SERINC4: variants seen among roughly 807,000 people sequenced by gnomAD.
The protein encoded by SERINC4 is serine incorporator 4.
SERINC4 carries 52 observed loss-of-function variants against 52.0 expected under a neutral mutation model. The ratio of observed to expected loss-of-function variants is 1.00; its 90% CI spans 0.80 to 1.26. The LOEUF is 1.26. SERINC4 is among the 50% of genes most tolerant of loss of function. The pLI is 0.00. For missense variants in SERINC4, 723 were observed against 632.8 expected, an observed-to-expected ratio of 1.14 and a Z score of -1.53; for synonymous variants, 264 against 247.7, an observed-to-expected ratio of 1.07 and a Z score of -0.62.
Position 43,794,750 on chromosome 15 carries a change from T to C in SERINC4, c.*250A>G. 1 of 463,100 alleles carries C rather than the reference T, an allele frequency of 2.2e-6. No individual in the cohort carries two copies. The highest frequency in any genetic ancestry group is 3.5e-5 in the East Asian group (1 of 28,698). The allele number at this position is 463,100 out of a possible 1,614,324, so 28.7% of individuals were successfully genotyped here. A position where few individuals can be genotyped will look rare whatever the true frequency, so the allele number is the denominator to read the frequency against. ...TGTCTGCTGGGATCAGCGGTGGTTC[T>C]TTGAGCTGCTGATTTGGGTGTTAGG... On this transcript the variant is annotated 3_prime_UTR_variant, in exon 12 of 12. Coordinates refer to ENST00000319327, the MANE Select transcript of SERINC4 (RefSeq NM_001258031.2).
intron 6 of SERINC4, 59 bp downstream of exon 6, chr15:43,797,086 G>A: frequency 6.7e-7 from 1 of 1,489,730 alleles, no homozygotes; most frequent in Non-Finnish European, 9.2e-7. Context: ...GGGAGGTAAT[G>A]AAACTTGCTA....
intron 2 of SERINC4, 71 bp downstream of exon 2, chr15:43,799,239 G>A (rs2087271677): frequency 6.6e-7 from 1 of 1,516,040 alleles, no homozygotes; most frequent in Non-Finnish European, 8.9e-7. Context: ...GCCCCCAACC[G>A]AAACCTTTTC....
At chr15:43,799,824 T>C in intron 1 of SERINC4, 61 bp downstream of exon 1, 1 of 1,288,162 alleles carries the variant, frequency 7.8e-7, no homozygotes, top group Non-Finnish European at 1.1e-6. Flanking sequence ...CTGTCGTTTT[T>C]ATTGGCTTCT....
Position 43,795,018 on chromosome 15 carries a change from G to T in SERINC4, c.1539C>A (p.Asn513Lys), listed in dbSNP as rs143486742. 216 of 1,611,162 alleles carry T rather than the reference G, an allele frequency of 1.3e-4. 1 individual carries two copies. The East Asian group carries it at 4.6e-3, about 34-fold the overall frequency. The change falls in exon 12 of 12, where the codon AAC becomes AAA. Residue 513 changes from asparagine (N) to lysine (K), a missense_variant. Asn to Lys is a moderately conservative substitution (Grantham distance 94). Transcript: ENST00000319327. Reference sequence around the variant, plus strand: ...AAAGGACTTAGACTGGAGGATATTTGTTATCTGGGGATATGATGCGGTGGC... The same window carrying T: ...AAAGGACTTAGACTGGAGGATATTTTTTATCTGGGGATATGATGCGGTGGC... Reference protein sequence around the residue: ...RRRHRIISPDNKYPPV With the variant: ...RRRHRIISPDKKYPPV
At position 43,794,891 on chromosome 15, in the gene SERINC4, C is replaced by T. The variant is rs938601226; in HGVS notation, c.*109G>A. On this transcript the variant is annotated 3_prime_UTR_variant, in exon 12 of 12. Transcript: ENST00000319327. ...TTCATAGTATTGACTTCAGCCCAAA[C>T]GGAGATAACTCCCTGTGTGTCCTTG... The T allele has an allele frequency of 3.5e-5, 29 of 829,690 alleles. No homozygotes were observed. Among genetic ancestry groups the T allele is most frequent in the East Asian group, 2.2e-4 (9 of 41,132 alleles). The allele number at this position is 829,690 out of a possible 1,614,324, so 51.4% of individuals were successfully genotyped here.
chr15:43,798,132 CTCTGCCTCCCGGGTTCAAGTGATTCT>C, intron 4 of SERINC4, 119 bp from the exon 5 acceptor site: 2 of 705,976 alleles, frequency 2.8e-6, no homozygotes, highest in South Asian at 3.5e-5. Flanking sequence ...TCACTGCAAC[CTCTGCCTCCCGGGTTCAAGTGATTCT>C]TCTGCCTCCA....
intron 9 of SERINC4, 198 bp from the exon 10 acceptor site, chr15:43,795,934 G>C (rs938551117): frequency 3.1e-6 from 2 of 648,334 alleles, no homozygotes; most frequent in Admixed American, 5.9e-5. Flanking sequence ...TTCTCCATTT[G>C]TAAAATGGAG....
intron 3 of SERINC4, 192 bp downstream of exon 3, chr15:43,798,767 G>A (rs2087260487): frequency 4.7e-6 from 3 of 644,018 alleles, no homozygotes; most frequent in Non-Finnish European, 8.3e-6. Context: ...TAACCCCACT[G>A]TTACCTCCAT....
Position 43,799,014 on chromosome 15 carries a change from C to G in SERINC4, c.403G>C (p.Val135Leu). ...GGGGAGTGGAGGTGGACCAGCAACA[C>G]AGCCTGCAGCAGGTGGAAGGTGGCG... ...GTATFHLLQA[V>L]LLVHLHSPTS... Residue 135 changes from valine to leucine, a missense_variant, in exon 3 of 12, where the codon GTG becomes CTG. By Grantham distance (32) the Val-to-Leu change is conservative. Coordinates refer to ENST00000319327, the MANE Select transcript of SERINC4 (RefSeq NM_001258031.2). 6.4e-7 allele frequency: 1 copy of G among 1,550,514 alleles called. No homozygotes were observed. The highest frequency in any genetic ancestry group is 8.7e-7 in the Non-Finnish European group (1 of 1,146,976).
intron 4 of SERINC4, 167 bp from the exon 5 acceptor site, chr15:43,798,180 G>A: frequency 3.2e-6 from 2 of 624,566 alleles, no homozygotes; most frequent in Non-Finnish European, 5.7e-6. Context: ...CTCCTGAGCA[G>A]CTGGGATTAC....
Position 43,795,393 on chromosome 15 carries a change from C to G in SERINC4, c.1338G>C (p.Trp446Cys), listed in dbSNP as rs2087186284. The G allele has an allele frequency of 6.2e-7, 1 of 1,613,998 alleles. No individual in the cohort carries two copies. Among genetic ancestry groups the G allele is most frequent in the African/African-American group, 1.3e-5 (1 of 74,898 alleles). ...SLYVMVTLTN[W>C]FSYEGAELEK... is the part of the protein sequence containing the mutation. ...TAAGGCCCACTCCATCTTACCTGAA[C>G]CAGTTGGTAAGGGTAACCATGACAT... Residue 446 changes from tryptophan to cysteine, a missense_variant, in exon 11 of 12, where the codon TGG becomes TGC. Physicochemically the swap from Trp to Cys is radical, Grantham distance 215. Transcript: ENST00000319327.
At chr15:43,798,769 T>A in intron 3 of SERINC4, 190 bp downstream of exon 3, 1 of 644,666 alleles carries the variant, frequency 1.6e-6, no homozygotes, top group South Asian at 1.9e-5. Flanking sequence ...ACCCCACTGT[T>A]ACCTCCATTT....
intron 5 of SERINC4, 27 bp downstream of exon 5, chr15:43,797,893 A>G (rs1422835068): frequency 4.5e-6 from 7 of 1,557,080 alleles, no homozygotes; most frequent in Non-Finnish European, 6.2e-6. Context: ...TCCCCAGGAA[A>G]AGCCTTTAGG....
At chr15:43,798,699 G>C in intron 3 of SERINC4, 195 bp from the exon 4 acceptor site, 1 of 625,956 alleles carries the variant, frequency 1.6e-6, no homozygotes, top group East Asian at 2.7e-5. Context: ...CTAACTCAAA[G>C]ATACTTAATA....
chr15:43,796,375 G>T, intron 8 of SERINC4, 148 bp from the exon 9 acceptor site: 1 of 737,234 alleles, frequency 1.4e-6, no homozygotes, highest in Non-Finnish European at 2.3e-6. Context: ...TTCTATTCAT[G>T]TGAGAGCCCT....
intron 8 of SERINC4, 186 bp from the exon 9 acceptor site, chr15:43,796,413 CAA>C (rs2087217188): frequency 1.8e-5 from 13 of 711,492 alleles, no homozygotes; most frequent in Non-Finnish European, 3.1e-5. Flanking sequence ...TTTAAATTCT[CAA>C]GTCATTCCCC....
chr15:43,796,869 G>C lies in SERINC4; in HGVS notation c.916C>G (p.Leu306Val). Residue 306 changes from leucine (L) to valine (V), a missense_variant, in exon 7 of 12, where the codon CTG (leucine) becomes GTG (valine). Leu to Val is a conservative substitution (Grantham distance 32, BLOSUM62 1). Coordinates refer to ENST00000319327, the MANE Select transcript of SERINC4 (RefSeq NM_001258031.2). ...CCTCTCTCTGGAGGACGGCTGGACA[G>C]TGCAGAGAAAGTCAGATACATGATA... is the stretch of plus-strand genomic sequence containing the variant. Reference protein sequence around the residue: ...CYIMYLTFSALSSRPPERVIL... With the variant: ...CYIMYLTFSAVSSRPPERVIL... 1 of 1,614,112 alleles carries C rather than the reference G, an allele frequency of 6.2e-7. No homozygotes were observed. Among genetic ancestry groups the C allele is most frequent in the South Asian group, 1.1e-5 (1 of 91,078 alleles).
intron 5 of SERINC4, chr15:43,797,680 C>T (rs565077077): frequency 3.8e-6 from 2 of 526,204 alleles, no homozygotes; most frequent in Non-Finnish European, 6.8e-6. Flanking sequence ...CATGAGCCAC[C>T]GTGCCCAGCT....
rs1303742408 is a variant in SERINC4, at chr15:43,799,366, A to G, written c.223T>C (p.Cys75Arg). 1.3e-6 allele frequency: 2 copies of G among 1,550,984 alleles called. No individual in the cohort carries two copies. Among genetic ancestry groups the G allele is most frequent in the Non-Finnish European group, 1.7e-6 (2 of 1,147,106 alleles). The change falls in exon 2 of 12, where the codon TGC becomes CGC. Residue 75 changes from cysteine (C) to arginine (R), a missense_variant. By Grantham distance (180) the Cys-to-Arg change is radical. Transcript: ENST00000319327. ...ILLHVGASAI[C>R]CLLLSRTVVE... ...ACTGTCCTTGACAGCAGGAGGCAGC[A>G]GATTGCTGAGGCCCCCACATGGAGG...
Sources: gnomAD v4.1 joint callset for allele counts on GRCh38, gnomAD v4.1.1 for gene constraint, MANE v1.5 for transcripts, NCBI Gene and HGNC (gene_info 2026-07-23, HGNC 2026-07-21) for gene names.